The following HERC2 variants were observed in gnomAD, a reference collection of about 807,000 sequenced individuals.
HERC2 encodes the protein E3 ubiquitin-protein ligase HERC2.
In HERC2, 102 loss-of-function variants were observed where a neutral mutation model predicts 537.7. The observed-to-expected ratio is 0.19, with a 90% CI of 0.16 to 0.22. The LOEUF (loss-of-function observed/expected upper bound fraction) is 0.22, where lower values mean the gene tolerates loss of function less well. Among genes scored for constraint, HERC2 ranks in the 10% least tolerant of loss-of-function variants. The pLI is 1.00. For synonymous variants in HERC2, 2,224 were observed against 2,466.2 expected (o/e 0.90, Z 2.91); for missense variants, 4,236 against 6,198.2 (o/e 0.68, Z 10.63).
At chr15:28,182,094 T>C (rs925391625) in intron 57 of HERC2, among the ~76,000 whole-genome samples, 1 of 152,214 alleles carries the variant, frequency 6.6e-6, no homozygotes, top group Admixed American at 6.5e-5. Context: ...ATTTTGTTCA[T>C]GATAGTCAAA....
intron 38 of HERC2, among the ~76,000 whole-genome samples, chr15:28,217,676 C>T (rs1041101786): frequency 6.6e-6 from 1 of 152,194 alleles, no homozygotes; most frequent in African/African-American, 2.4e-5. Context: ...TTAATGAGGT[C>T]TCTGTAGACG....
intron 81 of HERC2, among the ~76,000 whole-genome samples, chr15:28,130,866 A>G (rs1451935355): frequency 6.6e-6 from 1 of 152,200 alleles, no homozygotes; most frequent in African/African-American, 2.4e-5. Context: ...TGAGGCCTGC[A>G]AGCCTCTCCC....
At chr15:28,309,279 A>AG (rs1233573148) in intron 2 of HERC2, among the ~76,000 whole-genome samples, 55 of 152,326 alleles carry the variant, frequency 3.6e-4, no homozygotes, top group African/African-American at 1.2e-3. Flanking sequence ...TCCATCTATT[A>AG]ATGTGTTAAG....
chr15:28,142,282 C>T lies in HERC2; in HGVS notation c.11656G>A (p.Ala3886Thr), dbSNP rs1891306481. ...GGCAACGGTGTTCTTTTGTCAAGGG[C>T]CACAGCAACACGGGAGGCCATGCAG... ...RYCMASRVAVALDKRTPLPRL... is the reference protein window; with the variant it reads ...RYCMASRVAVTLDKRTPLPRL... The change falls in exon 76 of 93, where the codon GCC becomes ACC. Residue 3886 changes from alanine (A) to threonine (T), a missense_variant. By Grantham distance (58) the Ala-to-Thr change is moderately conservative. This residue lies in a region of HERC2 where 156 missense variants were observed against 172.3 expected (regional missense o/e 0.91). Transcript: ENST00000261609. The T allele has an allele frequency of 5.0e-6, 8 of 1,614,204 alleles. No individual in the cohort carries two copies. The highest frequency in any genetic ancestry group is 6.8e-6 in the Non-Finnish European group (8 of 1,180,042).
intron 2 of HERC2, 111 bp from the exon 3 acceptor site, chr15:28,299,627 G>T (rs76266110): frequency 3.2e-6 from 2 of 617,406 alleles, no homozygotes; most frequent in Non-Finnish European, 2.9e-6. Flanking sequence ...CGATCATTTG[G>T]TAATAAAATC....
In HERC2 at chr15:28,163,098, G is replaced by A. The variant is rs770945817; in HGVS notation, c.10742C>T (p.Pro3581Leu). Residue 3581 changes from proline to leucine, a missense_variant, in exon 69 of 93, where the codon CCA (proline) becomes CTA (leucine). This residue lies in a region of HERC2 where 356 missense variants were observed against 450.9 expected (regional missense o/e 0.79). Coordinates refer to ENST00000261609, the MANE Select transcript of HERC2 (RefSeq NM_004667.6). ...CCCGCCCTCCCTGAGACTCACCTGT[G>A]GGTAGGCGGTCCCCATGCCGGAAAG... ...AVLSGMGTAY[P>L]QVADMLLELC... is the part of the protein sequence containing the mutation. The A allele has an allele frequency of 3.1e-6, 5 of 1,608,608 alleles. No homozygotes were observed. The African/African-American group carries it at 4.0e-5, about 13-fold the overall frequency.
Position 28,121,448 on chromosome 15 carries a change from A to C in HERC2, c.13189-19T>G. The C allele has an allele frequency of 1.3e-6, 2 of 1,593,710 alleles. No individual in the cohort carries two copies. The highest frequency in any genetic ancestry group is 4.5e-5 in the East Asian group (2 of 44,748). ...CCGCCTCCTAAAACACATCAAACAG[A>C]CAAAATTTAGAATCTGATATGGAAA... On this transcript the variant is annotated intron_variant, in intron 85 of 92. Coordinates refer to ENST00000261609, the MANE Select transcript of HERC2 (RefSeq NM_004667.6).
chr15:28,215,115 T>G (rs1489838170), intron 39 of HERC2, among the ~76,000 whole-genome samples: 11 of 152,104 alleles, frequency 7.2e-5, no homozygotes, highest in South Asian at 6.2e-4. Context: ...CTGACCTCAT[T>G]ATCCACCTGC....
intron 44 of HERC2, among the ~76,000 whole-genome samples, chr15:28,208,359 C>G (rs1596230760): frequency 6.6e-6 from 1 of 152,084 alleles, no homozygotes; most frequent in Non-Finnish European, 1.5e-5. Flanking sequence ...TTATCATCTA[C>G]AAGACTACAC....
Position 28,176,997 on chromosome 15 carries a change from C to T in HERC2, c.9385G>A (p.Gly3129Ser). Reference sequence around the variant, plus strand: ...GTATTATCCCCATGTCCCAGCCGGCCGTACTCGCCGAGGCCCCAGGTGTAC... The same window carrying T: ...GTATTATCCCCATGTCCCAGCCGGCTGTACTCGCCGAGGCCCCAGGTGTAC... ...ELYTWGLGEYGRLGHGDNTTQ... is the reference protein window; with the variant it reads ...ELYTWGLGEYSRLGHGDNTTQ... The change falls in exon 61 of 93, where the codon GGC (glycine) becomes AGC (serine). Residue 3129 changes from glycine (G) to serine (S), a missense_variant. Physicochemically the swap from Gly to Ser is moderately conservative, Grantham distance 56. This residue lies in a region of HERC2 where 606 missense variants were observed against 884.5 expected (regional missense o/e 0.69). Transcript: ENST00000261609. The surrounding 1 kb of genome is among the most constrained non-coding windows in gnomAD (Gnocchi z 5.0). 1 of 1,614,032 alleles carries T rather than the reference C, an allele frequency of 6.2e-7. No individual in the cohort carries two copies. Among genetic ancestry groups the T allele is most frequent in the Non-Finnish European group, 8.5e-7 (1 of 1,179,944 alleles).
At position 28,292,939 on chromosome 15, in the gene HERC2, T is replaced by A. The variant is rs201702215; in HGVS notation, c.271A>T (p.Ile91Leu). The change falls in exon 4 of 93, where the codon ATA becomes TTA. Residue 91 changes from isoleucine to leucine, a missense_variant. Physicochemically the swap from Ile to Leu is conservative, Grantham distance 5 (BLOSUM62 2). Around this residue, in one of 27 missense-constraint regions of HERC2, gnomAD observed 491 missense variants for 559.3 expected, o/e 0.88. Transcript: ENST00000261609. ...TCCAGAATTGACTTGGCCCTATATATAGGTGCAGGAGTTTCTTCTTCATCT... is the reference window on the plus strand; with the variant it reads ...TCCAGAATTGACTTGGCCCTATATAAAGGTGCAGGAGTTTCTTCTTCATCT... Reference protein sequence around the residue: ...KKDEEETPAPIYRAKSILDSW... With the variant: ...KKDEEETPAPLYRAKSILDSW... The A allele has an allele frequency of 6.6e-5, 107 of 1,611,096 alleles. No individual in the cohort carries two copies. In the South Asian group the frequency reaches 1.1e-3, roughly 17 times the overall value.
chr15:28,297,490 T>C (rs373735312), intron 3 of HERC2, among the ~76,000 whole-genome samples: 1 of 151,932 alleles, frequency 6.6e-6, no homozygotes, highest in South Asian at 2.1e-4. Context: ...AAAAACTTTA[T>C]ATTAACTGAG....
intron 35 of HERC2, among the ~76,000 whole-genome samples, chr15:28,224,141 ACACACACC>A (rs201990967): frequency 0.076 from 10,230 of 134,330 alleles, 800 homozygotes; most frequent in East Asian, 0.42. Context: ...TTATACACAC[ACACACACC>A]CACACACACA....
intron 21 of HERC2, among the ~76,000 whole-genome samples, chr15:28,248,133 C>T (rs1014443547): frequency 1.8e-4 from 27 of 152,278 alleles, no homozygotes; most frequent in African/African-American, 6.3e-4. Context: ...ACTATTAAGC[C>T]GAGCTGTAAC....
rs150808318 is a variant in HERC2, at chr15:28,185,293, C to T, written c.8825+1284G>A. ...TGTTGTCTCCTCATGTCACACGCTG[C>T]AGAGTACTTAGAGCACAGGGTGTCT... On this transcript the variant is annotated intron_variant, in intron 56 of 92. Coordinates refer to ENST00000261609, the MANE Select transcript of HERC2 (RefSeq NM_004667.6). Among the ~76,000 whole-genome samples, 287 of 152,186 alleles carry T rather than the reference C, an allele frequency of 1.9e-3. 1 individual carries two copies. Among genetic ancestry groups the T allele is most frequent in the African/African-American group, 6.4e-3 (265 of 41,526 alleles).
chr15:28,125,968 T>C (rs1889434235), intron 83 of HERC2, among the ~76,000 whole-genome samples: 1 of 152,216 alleles, frequency 6.6e-6, no homozygotes, highest in Non-Finnish European at 1.5e-5. Flanking sequence ...CGCACCACCA[T>C]GCCCAGCTAA....
rs751898740 is a variant in HERC2 at position 28,141,537 on chromosome 15, G to A, written c.11910C>T (p.Gly3970=). Residue 3970 remains glycine, a synonymous_variant, in exon 78 of 93, where the codon GGC becomes GGT. Coordinates refer to ENST00000261609, the MANE Select transcript of HERC2 (RefSeq NM_004667.6). The stretch of plus-strand genomic sequence containing the variant: ...AGGGAGTGGGAACTTTGACTTTTGC[G>A]CCTTCAATGCCCCCGAGCTGGCCCC... ...NHRGQLGGIE[G]AKVKVPTPCE... is the part of the protein sequence containing the mutation. 6.8e-6 allele frequency: 11 copies of A among 1,613,960 alleles called. No homozygotes were observed. The highest frequency in any genetic ancestry group is 4.5e-5 in the East Asian group (2 of 44,876).
At chr15:28,258,940 A>C (rs962440614) in intron 16 of HERC2, among the ~76,000 whole-genome samples, 8 of 152,256 alleles carry the variant, frequency 5.3e-5, no homozygotes, top group African/African-American at 1.4e-4. Context: ...GCAAGAGAAT[A>C]CTAAGGAAAA....
intron 78 of HERC2, among the ~76,000 whole-genome samples, chr15:28,137,298 A>G (rs148416305): frequency 1.1e-3 from 170 of 152,276 alleles, no homozygotes; most frequent in African/African-American, 3.9e-3. Context: ...TACGGTTCAC[A>G]ATGATCCCTG....
Sources: allele counts gnomAD v4.1 joint callset (sites outside exome capture counted in the v4.1 genomes callset), GRCh38; gene constraint gnomAD v4.1.1; regional missense constraint gnomAD v4.1.1; non-coding constraint Gnocchi (gnomAD v3.1); transcripts MANE v1.5; gene names NCBI Gene and HGNC (gene_info 2026-07-23, HGNC 2026-07-21).